LAMC3: variants seen among roughly 807,000 people sequenced by gnomAD.
The protein encoded by LAMC3 is laminin subunit gamma-3.
A neutral mutation model predicts 173.8 loss-of-function variants in LAMC3; 128 were observed. The observed-to-expected ratio is 0.74, with a 90% confidence interval of 0.64 to 0.85. The LOEUF (loss-of-function observed/expected upper bound fraction) is 0.85, where lower values mean the gene tolerates loss of function less well. Among genes scored for constraint, LAMC3 ranks in the 40% least tolerant of loss-of-function variants. LAMC3 has a pLI of 0.00. For missense variants in LAMC3, 2,022 were observed against 2,156.0 expected, an observed-to-expected ratio of 0.94 and a Z score of 1.23; for synonymous variants, 897 against 909.1, an observed-to-expected ratio of 0.99 and a Z score of 0.24.
chr9:131,077,259 C>T lies in LAMC3; in HGVS notation c.3702C>T (p.Ser1234=), dbSNP rs372941363. ...CAGAGGTGCTGCCTGAAGCGGAAAG[C>T]GTGTTGGCCACCGTGCAGCAAGTTG... ...AVAEVLPEAE[S]VLATVQQVGA... Residue 1234 remains serine, a synonymous_variant, in exon 22 of 28, where the codon AGC becomes AGT. Coordinates refer to ENST00000361069, the MANE Select transcript of LAMC3 (RefSeq NM_006059.4). The T allele has an allele frequency of 9.3e-6, 15 of 1,614,024 alleles. No individual in the cohort carries two copies. Among genetic ancestry groups the T allele is most frequent in the South Asian group, 5.5e-5 (5 of 91,088 alleles).
chr9:131,087,540 A>G lies in LAMC3; in HGVS notation c.4295A>G (p.Gln1432Arg), dbSNP rs751401254. The G allele has an allele frequency of 4.5e-5, 73 of 1,613,744 alleles. No individual in the cohort carries two copies. The South Asian group carries it at 7.4e-4, about 16-fold the overall frequency. The change falls in exon 26 of 28, where the codon CAG (glutamine) becomes CGG (arginine). Residue 1432 changes from glutamine to arginine, a missense_variant. Transcript: ENST00000361069. ...AHRRASRLTS[Q>R]TQATLQQASQ... The stretch of plus-strand genomic sequence containing the variant: ...CGCCGTGCCAGCAGGCTCACCAGCC[A>G]GACGCAAGCCACGCTCCAACAGGCG...
chr9:131,058,366 G>A (rs1829735406), intron 12 of LAMC3, among the ~76,000 whole-genome samples: 1 of 151,998 alleles, frequency 6.6e-6, no homozygotes, highest in African/African-American at 2.4e-5. Flanking sequence ...TCCTGCTTCA[G>A]CCTCCCGAAG....
intron 1 of LAMC3, among the ~76,000 whole-genome samples, chr9:131,020,883 C>T (rs954611901): frequency 1.3e-5 from 2 of 152,158 alleles, no homozygotes; most frequent in Admixed American, 6.5e-5. Context: ...GTCTGGCTTT[C>T]GGTTCTTTTG....
intron 21 of LAMC3, among the ~76,000 whole-genome samples, 171 bp downstream of exon 21, chr9:131,076,136 C>T (rs939362777): frequency 4.6e-5 from 7 of 152,126 alleles, no homozygotes; most frequent in Non-Finnish European, 7.4e-5. Context: ...GGTCTTGGGC[C>T]CACTCGGTGG....
At chr9:131,065,872 A>C (rs945090376) in intron 13 of LAMC3, among the ~76,000 whole-genome samples, 1 of 152,080 alleles carries the variant, frequency 6.6e-6, no homozygotes, top group African/African-American at 2.4e-5. Flanking sequence ...GATGATGAGA[A>C]GGATGAGGTT....
chr9:131,081,457 C>T (rs1209871448), intron 23 of LAMC3, among the ~76,000 whole-genome samples: 1 of 142,882 alleles, frequency 7.0e-6, no homozygotes, highest in African/African-American at 2.5e-5. Context: ...CTCCCTCCCT[C>T]CCTCCCTTCC....
At chr9:131,066,826 G>C (rs369063139) in intron 13 of LAMC3, 134 bp from the exon 14 acceptor site, 4 of 1,205,542 alleles carry the variant, frequency 3.3e-6, no homozygotes, top group Non-Finnish European at 4.7e-6. Flanking sequence ...ACTGGGGGCC[G>C]GTCCCAGGTC....
In LAMC3 at chr9:131,072,618, G is replaced by A; in HGVS notation, c.3212-12G>A. ...ACCACTTTGTGACCCCTGGGCTGTG[G>A]GCTTCCCATAGGGGCTCGGGAAGCC... On this transcript the variant is annotated splice_polypyrimidine_tract_variant and intron_variant, in intron 18 of 27. Coordinates refer to ENST00000361069, the MANE Select transcript of LAMC3 (RefSeq NM_006059.4). 6.2e-7 allele frequency: 1 copy of A among 1,604,770 alleles called. No homozygotes were observed. Among genetic ancestry groups the A allele is most frequent in the Non-Finnish European group, 8.5e-7 (1 of 1,177,034 alleles).
intron 12 of LAMC3, among the ~76,000 whole-genome samples, chr9:131,058,735 A>C (rs535184730): frequency 6.5e-4 from 99 of 151,446 alleles, no homozygotes; most frequent in African/African-American, 2.3e-3. Context: ...CTCTACTAAA[A>C]CTACAAAAAT....
intron 12 of LAMC3, 94 bp from the exon 13 acceptor site, chr9:131,060,941 C>A: frequency 7.5e-7 from 1 of 1,328,122 alleles, no homozygotes; most frequent in Non-Finnish European, 1.1e-6. Flanking sequence ...CACCCCACTT[C>A]TGCCCGGGAT....
intron 12 of LAMC3, among the ~76,000 whole-genome samples, chr9:131,058,920 C>G (rs1281446491): frequency 6.9e-6 from 1 of 145,834 alleles, no homozygotes; most frequent in African/African-American, 2.6e-5. Context: ...AAAGAAGAGG[C>G]CAGACTTGGG....
At chr9:131,081,275 A>C (rs1020508241) in intron 23 of LAMC3, among the ~76,000 whole-genome samples, 7 of 152,224 alleles carry the variant, frequency 4.6e-5, no homozygotes, top group Non-Finnish European at 1.0e-4. Context: ...TGTGTGGATG[A>C]AGCACATTTT....
At chr9:131,035,230 G>A (rs957791922) in intron 3 of LAMC3, among the ~76,000 whole-genome samples, 1 of 152,180 alleles carries the variant, frequency 6.6e-6, no homozygotes, top group African/African-American at 2.4e-5. Context: ...GATTACAGGT[G>A]TGAGCCACCA....
In LAMC3 at chr9:131,092,092, C is replaced by G. The variant is rs555610162; in HGVS notation, c.*305C>G. 6 of 463,924 alleles carry G rather than the reference C, an allele frequency of 1.3e-5. No homozygotes were observed. The Admixed American group carries it at 2.1e-4, about 16-fold the overall frequency. The allele number at this position is 463,924 out of a possible 1,614,324, so 28.7% of individuals were successfully genotyped here. A position where few individuals can be genotyped will look rare whatever the true frequency, so the allele number is the denominator to read the frequency against. On this transcript the variant is annotated 3_prime_UTR_variant, in exon 28 of 28. Coordinates refer to ENST00000361069, the MANE Select transcript of LAMC3 (RefSeq NM_006059.4). The stretch of plus-strand genomic sequence containing the variant: ...GAGGGTGCATGTCTGTGTGTATGAC[C>G]CACACGTGTTCAAGTCTAATCCATC...
intron 1 of LAMC3, among the ~76,000 whole-genome samples, chr9:131,024,392 C>A (rs566944355): frequency 1.3e-5 from 2 of 152,104 alleles, no homozygotes; most frequent in Non-Finnish European, 2.9e-5. Flanking sequence ...GTGATCCACC[C>A]GCTTCGGCCT....
chr9:131,087,452 C>T, intron 25 of LAMC3, 24 bp from the exon 26 acceptor site: 1 of 1,613,566 alleles, frequency 6.2e-7, no homozygotes, highest in Non-Finnish European at 8.5e-7. Flanking sequence ...CTTCTTCTCC[C>T]TGCCACTGCC....
intron 24 of LAMC3, among the ~76,000 whole-genome samples, chr9:131,084,289 T>G (rs1259059267): frequency 6.6e-6 from 1 of 152,070 alleles, no homozygotes; most frequent in African/African-American, 2.4e-5. Context: ...TAGCTCACTG[T>G]AGCCTCCAAC....
intron 1 of LAMC3, among the ~76,000 whole-genome samples, chr9:131,024,495 C>T (rs971000135): frequency 3.9e-5 from 6 of 152,196 alleles, no homozygotes; most frequent in African/African-American, 9.6e-5. Flanking sequence ...ACTAGGGTGG[C>T]TTGTCCTCGG....
intron 3 of LAMC3, among the ~76,000 whole-genome samples, chr9:131,034,464 G>A (rs1833904759): frequency 6.6e-6 from 1 of 152,262 alleles, no homozygotes; most frequent in African/African-American, 2.4e-5. Flanking sequence ...TTGGTGATTC[G>A]TCAACATCCA....
Sources: gnomAD v4.1 joint callset for allele counts (sites outside exome capture counted in the v4.1 genomes callset) on GRCh38, gnomAD v4.1.1 for gene constraint, MANE v1.5 for transcripts, NCBI Gene and HGNC (gene_info 2026-07-23, HGNC 2026-07-21) for gene names.